The following ERBB4 variants were observed in gnomAD, a reference collection of about 807,000 sequenced individuals.
ERBB4 encodes the protein receptor tyrosine-protein kinase erbB-4.
Under a neutral mutation model 158.0 loss-of-function variants are expected in ERBB4, and 42 were observed. That is an observed-to-expected ratio of 0.27 (90% CI 0.21 to 0.34). The LOEUF is 0.34. Ranked by LOEUF, ERBB4 falls within the 10% of genes least tolerant of loss-of-function variation. ERBB4 has a pLI of 1.00. For synonymous variants in ERBB4, 583 were observed against 558.7 expected (o/e 1.04, Z -0.61); for missense variants, 1,333 against 1,624.1 (o/e 0.82, Z 3.08).
intron 1 of ERBB4, among the ~76,000 whole-genome samples, chr2:212,458,306 A>T (rs1688402743): frequency 1.3e-5 from 2 of 152,138 alleles, no homozygotes; most frequent in South Asian, 2.1e-4. Flanking sequence ...CAGGAAAAAA[A>T]TGGTAAGAAT....
Position 212,180,199 on chromosome 2 carries a change from A to G in ERBB4, c.83-55296T>C, listed in dbSNP as rs369546527. Among the ~76,000 whole-genome samples, 13 of 151,884 alleles carry G rather than the reference A, an allele frequency of 8.6e-5. No individual in the cohort carries two copies. The South Asian group carries it at 2.7e-3, about 31-fold the overall frequency. ...TGGACCAATAATTGAAGCACATAGT[A>G]TATCCTCATAGGGGCTACACTGCTG... is the stretch of plus-strand genomic sequence containing the variant. On this transcript the variant is annotated intron_variant, in intron 1 of 27. Coordinates refer to ENST00000342788, the MANE Select transcript of ERBB4 (RefSeq NM_005235.3).
chr2:212,209,063 T>C (rs1326197487), intron 1 of ERBB4, among the ~76,000 whole-genome samples: 1 of 152,132 alleles, frequency 6.6e-6, no homozygotes, highest in Non-Finnish European at 1.5e-5. Flanking sequence ...TTCCATTTTC[T>C]CAACTTTGAT....
intron 2 of ERBB4, among the ~76,000 whole-genome samples, chr2:212,029,939 T>A (rs572139885): frequency 1.3e-5 from 2 of 152,278 alleles, no homozygotes; most frequent in South Asian, 2.1e-4. Flanking sequence ...TCTGTACTTT[T>A]CTGCCACATA....
intron 1 of ERBB4, among the ~76,000 whole-genome samples, chr2:212,305,950 T>G (rs1215540529): frequency 2.6e-5 from 4 of 151,350 alleles, no homozygotes; most frequent in Non-Finnish European, 5.9e-5. Context: ...CTAAAATAAT[T>G]TATTTGAAGC....
At chr2:212,138,575 C>T (rs1010680081) in intron 1 of ERBB4, among the ~76,000 whole-genome samples, 3 of 152,116 alleles carry the variant, frequency 2.0e-5, no homozygotes, top group Non-Finnish European at 4.4e-5. Flanking sequence ...TTCTAGCCTC[C>T]AGAATTATAA....
At chr2:212,521,217 G>A (rs1046770164) in intron 1 of ERBB4, among the ~76,000 whole-genome samples, 8 of 151,836 alleles carry the variant, frequency 5.3e-5, no homozygotes, top group Non-Finnish European at 1.0e-4. Context: ...AGGATGAAAG[G>A]ACAGAGGATT....
chr2:211,410,730 G>GTAAT (rs1025754201), intron 25 of ERBB4, among the ~76,000 whole-genome samples: 5 of 152,104 alleles, frequency 3.3e-5, no homozygotes, highest in African/African-American at 1.2e-4. Flanking sequence ...AATTTTGTTT[G>GTAAT]TAATTCCTAA....
At chr2:211,974,098 G>T (rs865789366) in intron 2 of ERBB4, among the ~76,000 whole-genome samples, 3 of 152,108 alleles carry the variant, frequency 2.0e-5, no homozygotes, top group African/African-American at 7.2e-5. Context: ...ACGGTGGGAG[G>T]AGGGAGAGAA....
chr2:212,072,349 A>C (rs541661031), intron 2 of ERBB4, among the ~76,000 whole-genome samples: 10 of 152,084 alleles, frequency 6.6e-5, no homozygotes, highest in African/African-American at 2.4e-4. Context: ...TAGCAGGGTG[A>C]GTGACAGGTA....
chr2:212,199,604 T>C (rs889987746), intron 1 of ERBB4, among the ~76,000 whole-genome samples: 1 of 152,194 alleles, frequency 6.6e-6, no homozygotes. Flanking sequence ...CTTAAGGTTA[T>C]AATGCATTAT....
intron 2 of ERBB4, among the ~76,000 whole-genome samples, chr2:212,107,819 A>T (rs1411221973): frequency 1.3e-5 from 2 of 152,180 alleles, no homozygotes; most frequent in Non-Finnish European, 1.5e-5. Context: ...TGATAGTTTT[A>T]TAAAGGGGAG....
chr2:211,561,789 T>A (rs935238898), intron 20 of ERBB4, 114 bp downstream of exon 20: 4 of 945,022 alleles, frequency 4.2e-6, no homozygotes, highest in Non-Finnish European at 5.1e-6. Context: ...TTGCAGCAAA[T>A]ATACTTTATT....
chr2:212,344,146 G>A (rs1394829297), intron 1 of ERBB4, among the ~76,000 whole-genome samples: 1 of 152,092 alleles, frequency 6.6e-6, no homozygotes, highest in Non-Finnish European at 1.5e-5. Flanking sequence ...AGTTATTAAC[G>A]AAATACAAAG....
intron 1 of ERBB4, among the ~76,000 whole-genome samples, chr2:212,345,873 G>A (rs1407897626): frequency 2.6e-5 from 4 of 151,960 alleles, no homozygotes; most frequent in Non-Finnish European, 2.9e-5. Flanking sequence ...CCAGTTCTGA[G>A]ACCAATATAT....
Position 211,702,183 on chromosome 2 carries a change from G to A in ERBB4, c.1290-17C>T, listed in dbSNP as rs2073278909. 1 of 1,603,450 alleles carries A rather than the reference G, an allele frequency of 6.2e-7. No individual in the cohort carries two copies. Among genetic ancestry groups the A allele is most frequent in the Non-Finnish European group, 8.5e-7 (1 of 1,170,422 alleles). ...GACAGGCCACTAAGGAGGGGGAAGT[G>A]AGAAAACGGAACCATGAAACGCATT... is the stretch of plus-strand genomic sequence containing the variant. On this transcript the variant is annotated splice_polypyrimidine_tract_variant and intron_variant, in intron 11 of 27. Coordinates refer to ENST00000342788, the MANE Select transcript of ERBB4 (RefSeq NM_005235.3).
chr2:212,502,896 G>C (rs1043706026), intron 1 of ERBB4, among the ~76,000 whole-genome samples: 1 of 151,874 alleles, frequency 6.6e-6, no homozygotes, highest in Non-Finnish European at 1.5e-5. Context: ...TCAGCCTCCT[G>C]AGTAGCTGGG....
At chr2:212,401,904 G>A (rs1178599451) in intron 1 of ERBB4, among the ~76,000 whole-genome samples, 1 of 152,014 alleles carries the variant, frequency 6.6e-6, no homozygotes, top group East Asian at 1.9e-4. Flanking sequence ...TAGAGTGACT[G>A]GAACAAACAT....
chr2:211,465,880 T>C (rs745793435), intron 20 of ERBB4, among the ~76,000 whole-genome samples: 12 of 152,006 alleles, frequency 7.9e-5, no homozygotes, highest in Admixed American at 4.6e-4. Flanking sequence ...GATTTACCAG[T>C]GGGGATTTGC....
At chr2:212,015,232 C>T (rs552481558) in intron 2 of ERBB4, among the ~76,000 whole-genome samples, 1 of 142,018 alleles carries the variant, frequency 7.0e-6, no homozygotes, top group African/African-American at 2.6e-5. Flanking sequence ...CGCCACTGCA[C>T]TCCAGCCTGG....
Sources: gnomAD v4.1 joint callset for allele counts (sites outside exome capture counted in the v4.1 genomes callset) on GRCh38, gnomAD v4.1.1 for gene constraint, MANE v1.5 for transcripts, NCBI Gene and HGNC (gene_info 2026-07-23, HGNC 2026-07-21) for gene names.